The following ABL1 variants were observed in gnomAD, a reference collection of about 807,000 sequenced individuals.
The protein encoded by ABL1 is tyrosine-protein kinase ABL1.
In ABL1, 11 loss-of-function variants were observed where a neutral mutation model predicts 94.7. The ratio of observed to expected loss-of-function variants is 0.12; its 90% confidence interval spans 0.07 to 0.19. ABL1 has a LOEUF of 0.19. ABL1 is among the 10% of genes least tolerant of loss of function. The probability of loss-of-function intolerance (pLI) is 1.00; values close to 1 mark genes in which losing one functional copy is unlikely to be tolerated. For synonymous variants in ABL1, 656 were observed against 622.4 expected (o/e 1.05, Z -0.80); for missense variants, 1,082 against 1,489.4 (o/e 0.73, Z 4.50).
intron 1 of ABL1, among the ~76,000 whole-genome samples, chr9:130,747,710 G>A (rs1831905152): frequency 6.6e-6 from 1 of 152,136 alleles, no homozygotes; most frequent in Non-Finnish European, 1.5e-5. Context: ...ACTGTACCCA[G>A]CCCCAGTCTT....
intron 1 of ABL1, among the ~76,000 whole-genome samples, chr9:130,718,529 A>C (rs1831475208): frequency 6.6e-6 from 1 of 152,108 alleles, no homozygotes; most frequent in Admixed American, 6.6e-5. Context: ...AACCTACACA[A>C]ACTAAGCCTC....
At chr9:130,795,011 C>G (rs1450047124) in intron 1 of ABL1, among the ~76,000 whole-genome samples, 1 of 152,134 alleles carries the variant, frequency 6.6e-6, no homozygotes, top group African/African-American at 2.4e-5. Flanking sequence ...AGATTAATCT[C>G]CCTTTTGCTG....
chr9:130,840,471 C>T (rs1830654605), intron 1 of ABL1, among the ~76,000 whole-genome samples: 1 of 151,988 alleles, frequency 6.6e-6, no homozygotes, highest in African/African-American at 2.4e-5. Context: ...TGTAATTGTG[C>T]CAGTATAATC....
At chr9:130,812,225 T>A (rs77854545) in intron 1 of ABL1, among the ~76,000 whole-genome samples, 14 of 142,908 alleles carry the variant, frequency 9.8e-5, no homozygotes, top group South Asian at 2.2e-4. Flanking sequence ...AAAAAAAAAT[T>A]AGCCAGGTGT....
chr9:130,859,806 A>G (rs1051109801), intron 3 of ABL1, among the ~76,000 whole-genome samples: 5 of 147,220 alleles, frequency 3.4e-5, no homozygotes, highest in Admixed American at 2.1e-4. Context: ...TCAGCCTCTC[A>G]AGTAGCTGAG....
At position 130,884,517 on chromosome 9, in the gene ABL1, A is replaced by G; in HGVS notation, c.2227A>G (p.Thr743Ala). 6.2e-7 allele frequency: 1 copy of G among 1,613,228 alleles called. No individual in the cohort carries two copies. Among genetic ancestry groups the G allele is most frequent in the Non-Finnish European group, 8.5e-7 (1 of 1,180,046 alleles). Residue 743 changes from threonine to alanine, a missense_variant, in exon 11 of 11, where the codon ACG becomes GCG. Transcript: ENST00000318560. The surrounding 1 kb of genome is among the most constrained non-coding windows in gnomAD (Gnocchi z 5.6). ...SVTLPRDLQS[T>A]GRQFDSSTFG... ...CACGCTGCCTCGGGACTTGCAGTCC[A>G]CGGGAAGACAGTTTGACTCGTCCAC...
At chr9:130,866,071 C>G (rs1038045937) in intron 4 of ABL1, among the ~76,000 whole-genome samples, 2 of 152,090 alleles carry the variant, frequency 1.3e-5, no homozygotes, top group Non-Finnish European at 2.9e-5. Flanking sequence ...TGTGGATATT[C>G]CCCAATCTGC....
At chr9:130,827,352 C>T (rs910449959) in intron 1 of ABL1, among the ~76,000 whole-genome samples, 17 of 152,168 alleles carry the variant, frequency 1.1e-4, no homozygotes, top group African/African-American at 3.1e-4. Flanking sequence ...TTTAGGGATT[C>T]TCTTGAAAAA....
intron 1 of ABL1, among the ~76,000 whole-genome samples, chr9:130,775,869 A>T (rs1182327838): frequency 6.6e-6 from 1 of 152,208 alleles, no homozygotes; most frequent in African/African-American, 2.4e-5. Context: ...CTCAAAGGAG[A>T]CTTCTCTACA....
At chr9:130,761,534 C>T (rs563283827) in intron 1 of ABL1, among the ~76,000 whole-genome samples, 188 of 152,252 alleles carry the variant, frequency 1.2e-3, no homozygotes, top group African/African-American at 4.5e-3. Context: ...TAATCAACTC[C>T]CCTTTTAATT....
Position 130,854,949 on chromosome 9 carries a change from C to T in ABL1, c.402C>T (p.Arg134=). ...CCTGGTACCATGGGCCTGTGTCCCG[C>T]AATGCCGCTGAGTATCTGCTGAGCA... ...KHSWYHGPVS[R]NAAEYLLSSG... The change falls in exon 3 of 11, where the codon CGC becomes CGT. Residue 134 remains arginine, a synonymous_variant. Coordinates refer to ENST00000318560, the MANE Select transcript of ABL1 (RefSeq NM_005157.6). 2 of 1,614,212 alleles carry T rather than the reference C, an allele frequency of 1.2e-6. No homozygotes were observed. The highest frequency in any genetic ancestry group is 2.2e-5 in the South Asian group (2 of 91,088).
rs906138455 is a variant in ABL1, at chr9:130,885,734, G to C, written c.*51G>C. The stretch of plus-strand genomic sequence containing the variant: ...CCCGTCGGAGCTGCCTGCAGCACAT[G>C]CGGGCTCGCCCATACCCGTGACAGT... On this transcript the variant is annotated 3_prime_UTR_variant, in exon 11 of 11. Coordinates refer to ENST00000318560, the MANE Select transcript of ABL1 (RefSeq NM_005157.6). 6.4e-7 allele frequency: 1 copy of C among 1,566,542 alleles called. No homozygotes were observed. Among genetic ancestry groups the C allele is most frequent in the Non-Finnish European group, 8.6e-7 (1 of 1,156,504 alleles).
rs1028176758 is a variant in ABL1, at chr9:130,746,124, G to A, written c.136+31669G>A. On this transcript the variant is annotated intron_variant, in intron 1 of 10. Coordinates refer to the ABL1 transcript ENST00000372348. ...GTATGACCGCAGACACCAGCAAAAC[G>A]TCCCACTGCTGCTTATTTCCAAGCC... Among the ~76,000 whole-genome samples the A allele has an allele frequency of 2.0e-5, 3 of 151,910 alleles. No homozygotes were observed. The East Asian group carries it at 5.8e-4, about 29-fold the overall frequency.
At chr9:130,746,224 T>G (rs1831886302) in intron 1 of ABL1, among the ~76,000 whole-genome samples, 2 of 8,638 alleles carry the variant, frequency 2.3e-4, no homozygotes, top group African/African-American at 5.7e-3. Flanking sequence ...TTTAATGCGT[T>G]TTTTTTTTTT....
intron 1 of ABL1, among the ~76,000 whole-genome samples, chr9:130,775,643 CA>C (rs1213743941): frequency 6.6e-6 from 1 of 151,582 alleles, no homozygotes; most frequent in Non-Finnish European, 1.5e-5. Flanking sequence ...ATAGAGATAA[CA>C]GATGAGAGAC....
At chr9:130,822,816 G>A (rs150553251) in intron 1 of ABL1, among the ~76,000 whole-genome samples, 6 of 147,890 alleles carry the variant, frequency 4.1e-5, no homozygotes, top group Non-Finnish European at 5.9e-5. Flanking sequence ...TTTTTTTTTC[G>A]AGATGGAGTC....
At chr9:130,796,481 C>T (rs977812611) in intron 1 of ABL1, among the ~76,000 whole-genome samples, 7 of 152,170 alleles carry the variant, frequency 4.6e-5, no homozygotes, top group African/African-American at 1.2e-4. Context: ...CACCACTGCA[C>T]GCTAGCCTGA....
chr9:130,885,491 C>T lies in ABL1; in HGVS notation c.3201C>T (p.Cys1067=), dbSNP rs775721460. 1.2e-5 allele frequency: 20 copies of T among 1,614,006 alleles called. No homozygotes were observed. The highest frequency in any genetic ancestry group is 1.6e-5 in the Non-Finnish European group (19 of 1,180,042). The part of the protein sequence containing the change: ...LEAGKNLYTF[C]VSYVDSIQQM... ...CCGGCAAAAACCTCTACACGTTCTG[C>T]GTGAGCTATGTGGATTCCATCCAGC... The change falls in exon 11 of 11, where the codon TGC becomes TGT. Residue 1067 remains cysteine, a synonymous_variant. Transcript: ENST00000318560.
intron 1 of ABL1, among the ~76,000 whole-genome samples, chr9:130,736,941 C>T (rs79167315): frequency 0.023 from 3,504 of 152,212 alleles, 50 homozygotes; most frequent in African/African-American, 0.032. Context: ...TGTCTATGCC[C>T]CTTCACTGCC....
Sources: gnomAD v4.1 joint callset for allele counts (sites outside exome capture counted in the v4.1 genomes callset) on GRCh38, gnomAD v4.1.1 for gene constraint, Gnocchi (gnomAD v3.1) non-coding constraint, MANE v1.5 for transcripts, NCBI Gene and HGNC (gene_info 2026-07-23, HGNC 2026-07-21) for gene names.